The following RPS6KC1 variants were observed in gnomAD, a reference collection of about 807,000 sequenced individuals.
The protein encoded by RPS6KC1 is ribosomal protein S6 kinase C1, also known as inactive ribosomal protein S6 kinase delta-1.
In RPS6KC1, 54 loss-of-function variants were observed where a neutral mutation model predicts 103.8. The observed-to-expected ratio is 0.52, with a 90% CI of 0.42 to 0.65. The LOEUF is 0.65. Ranked by LOEUF, RPS6KC1 falls within the 30% of genes least tolerant of loss-of-function variation. The probability of loss-of-function intolerance (pLI) is 0.00; values close to 1 mark genes in which losing one functional copy is unlikely to be tolerated. For synonymous variants in RPS6KC1, 439 were observed against 438.7 expected (o/e 1.00, Z -0.01); for missense variants, 1,151 against 1,253.8 (o/e 0.92, Z 1.24).
At chr1:213,579,162 T>C in the RPS6KC1 span, among the ~76,000 whole-genome samples, 1 of 152,128 alleles carries the variant, frequency 6.6e-6, no homozygotes, top group South Asian at 2.1e-4. Flanking sequence ...CCTGCTGCCA[T>C]GTAAGCTGTG....
the RPS6KC1 span, among the ~76,000 whole-genome samples, chr1:213,845,061 C>T: frequency 2.0e-5 from 3 of 151,986 alleles, no homozygotes; most frequent in African/African-American, 4.8e-5. Context: ...CCACTCTCTC[C>T]GACAAAACAA....
chr1:213,760,117 G>A, the RPS6KC1 span, among the ~76,000 whole-genome samples: 5 of 151,814 alleles, frequency 3.3e-5, no homozygotes, highest in African/African-American at 9.7e-5. Flanking sequence ...CTGTGATGCC[G>A]AATCCTTCTT....
chr1:213,297,068 T>C, the RPS6KC1 span, among the ~76,000 whole-genome samples: 2 of 152,022 alleles, frequency 1.3e-5, no homozygotes, highest in African/African-American at 4.8e-5. Context: ...ACCAAAGCAG[T>C]AGGGAGAAAT....
At chr1:213,568,338 C>T in the RPS6KC1 span, among the ~76,000 whole-genome samples, 1 of 152,168 alleles carries the variant, frequency 6.6e-6, no homozygotes, top group African/African-American at 2.4e-5. Flanking sequence ...TAGTGCCAGT[C>T]TTTTCCATGG....
the RPS6KC1 span, among the ~76,000 whole-genome samples, chr1:213,756,971 T>A: frequency 6.6e-6 from 1 of 152,182 alleles, no homozygotes; most frequent in South Asian, 2.1e-4. Context: ...TCTTTGATAT[T>A]ATTTTTATTG....
the RPS6KC1 span, among the ~76,000 whole-genome samples, chr1:213,805,353 C>T: frequency 6.6e-6 from 1 of 152,204 alleles, no homozygotes; most frequent in Admixed American, 6.5e-5. Context: ...TAGAGTCAAA[C>T]CTCTCAAACC....
the RPS6KC1 span, among the ~76,000 whole-genome samples, chr1:213,758,538 A>C: frequency 1.3e-5 from 2 of 151,392 alleles, no homozygotes; most frequent in African/African-American, 4.9e-5. Context: ...AGACCACACC[A>C]CTACACCCCA....
the RPS6KC1 span, among the ~76,000 whole-genome samples, chr1:213,457,825 G>A: frequency 6.6e-6 from 1 of 152,184 alleles, no homozygotes; most frequent in Non-Finnish European, 1.5e-5. Flanking sequence ...GACACAGTCT[G>A]AGACCCATGT....
intron 3 of RPS6KC1, among the ~76,000 whole-genome samples, chr1:213,078,268 C>T (rs2079536271): frequency 7.0e-6 from 1 of 142,010 alleles, no homozygotes; most frequent in Non-Finnish European, 1.5e-5. Context: ...TTTTCAAATA[C>T]CTAGGTAACA....
At chr1:213,512,675 A>G in the RPS6KC1 span, among the ~76,000 whole-genome samples, 1 of 152,184 alleles carries the variant, frequency 6.6e-6, no homozygotes, top group East Asian at 1.9e-4. Flanking sequence ...TTTCCTTGTT[A>G]TGAGGCACAC....
At chr1:213,469,377 T>C in the RPS6KC1 span, among the ~76,000 whole-genome samples, 2 of 152,230 alleles carry the variant, frequency 1.3e-5, no homozygotes, top group Non-Finnish European at 2.9e-5. Context: ...TCTTTGATTA[T>C]AGAAAGTTTT....
the RPS6KC1 span, among the ~76,000 whole-genome samples, chr1:213,327,834 T>A: frequency 8.5e-5 from 13 of 152,300 alleles, no homozygotes; most frequent in Admixed American, 6.5e-4. Flanking sequence ...TGCTTTGCTG[T>A]TCCCTCTGCC....
chr1:213,804,886 A>T, the RPS6KC1 span, among the ~76,000 whole-genome samples: 1 of 152,196 alleles, frequency 6.6e-6, no homozygotes, highest in East Asian at 1.9e-4. Context: ...TATTTTACAT[A>T]TGCAGGCATA....
intron 8 of RPS6KC1, among the ~76,000 whole-genome samples, chr1:213,178,801 G>A (rs538673489): frequency 3.3e-5 from 5 of 151,774 alleles, no homozygotes; most frequent in Admixed American, 6.6e-5. Context: ...TGCAGCCTCC[G>A]CCTCGTGGGT....
chr1:213,057,709 T>G (rs2077448263), intron 1 of RPS6KC1, among the ~76,000 whole-genome samples: 1 of 151,710 alleles, frequency 6.6e-6, no homozygotes, highest in African/African-American at 2.4e-5. Context: ...TTTGTAAATA[T>G]TTTCTCCTGA....
chr1:213,645,991 G>C, the RPS6KC1 span, among the ~76,000 whole-genome samples: 1 of 152,208 alleles, frequency 6.6e-6, no homozygotes, highest in Non-Finnish European at 1.5e-5. Context: ...TAACTTGAGA[G>C]AGAGAGAGAC....
the RPS6KC1 span, among the ~76,000 whole-genome samples, chr1:213,572,352 C>T: frequency 1.3e-5 from 2 of 152,214 alleles, no homozygotes; most frequent in African/African-American, 4.8e-5. Context: ...AGGGGCTATT[C>T]CTCCCTTCCA....
At chr1:213,058,503 T>G (rs1485842667) in intron 1 of RPS6KC1, among the ~76,000 whole-genome samples, 1 of 152,100 alleles carries the variant, frequency 6.6e-6, no homozygotes, top group African/African-American at 2.4e-5. Flanking sequence ...TTGCCTCTGG[T>G]TGTCCCATTG....
the RPS6KC1 span, among the ~76,000 whole-genome samples, chr1:213,750,960 A>G: frequency 6.6e-6 from 1 of 152,314 alleles, no homozygotes; most frequent in South Asian, 2.1e-4. Flanking sequence ...CTGGGGAAGA[A>G]CTATAGTAAG....
Sources: gnomAD v4.1 joint callset for allele counts (sites outside exome capture counted in the v4.1 genomes callset) on GRCh38, gnomAD v4.1.1 for gene constraint, MANE v1.5 for transcripts, NCBI Gene and HGNC (gene_info 2026-07-23, HGNC 2026-07-21) for gene names.